UBAP1: variants seen among roughly 807,000 people sequenced by gnomAD.
UBAP1 encodes the protein ubiquitin-associated protein 1.
UBAP1 carries 5 observed loss-of-function variants against 39.0 expected under a neutral mutation model. The ratio of observed to expected loss-of-function variants is 0.13; its 90% CI spans 0.07 to 0.27. The LOEUF is 0.27. Ranked by LOEUF, UBAP1 falls within the 10% of genes least tolerant of loss-of-function variation. The pLI is 1.00. For missense variants in UBAP1, 490 were observed against 608.1 expected (o/e 0.81, Z 2.04); for synonymous variants, 211 against 225.1 (o/e 0.94, Z 0.56).
Position 34,224,107 on chromosome 9 carries a change from C to T in UBAP1, c.34+3159C>T, listed in dbSNP as rs899873073. 3 of 735,072 alleles carry T rather than the reference C, an allele frequency of 4.1e-6. No individual in the cohort carries two copies. The Admixed American group carries it at 9.1e-5, about 22-fold the overall frequency. 45.5% of individuals were successfully genotyped at this position (735,072 alleles called of 1,614,324 possible). The stretch of plus-strand genomic sequence containing the variant: ...AAGTGATGCACGCAAGAAGCTTGCC[C>T]TGCTGGAACTGCTCCTCCAGGAGAC... On this transcript the variant is annotated intron_variant, in intron 2 of 6. Coordinates refer to ENST00000297661, the MANE Select transcript of UBAP1 (RefSeq NM_016525.5).
intron 1 of UBAP1, among the ~76,000 whole-genome samples, chr9:34,210,898 T>C (rs1232516692): frequency 6.6e-6 from 1 of 152,072 alleles, no homozygotes; most frequent in African/African-American, 2.4e-5. Context: ...GAGCTCTTTC[T>C]GCATGTCAGG....
intron 2 of UBAP1, among the ~76,000 whole-genome samples, chr9:34,233,971 G>A (rs910704691): frequency 6.6e-6 from 1 of 152,158 alleles, no homozygotes; most frequent in Admixed American, 6.5e-5. Context: ...GAGGCTGTGG[G>A]TGATGTGAGT....
chr9:34,240,353 G>A (rs937151156), intron 3 of UBAP1, among the ~76,000 whole-genome samples: 4 of 152,128 alleles, frequency 2.6e-5, no homozygotes, highest in African/African-American at 4.8e-5. Context: ...GTGTTAGCAC[G>A]TTAGACCTCT....
At chr9:34,180,570 A>C (rs1173642789) in intron 1 of UBAP1, among the ~76,000 whole-genome samples, 1 of 152,086 alleles carries the variant, frequency 6.6e-6, no homozygotes, top group East Asian at 1.9e-4. Context: ...GTCTTAAAAG[A>C]ATTACATTGT....
In UBAP1 at chr9:34,200,801, C is replaced by A. The variant is rs189768775; in HGVS notation, c.-7-20107C>A. Among the ~76,000 whole-genome samples, 11 of 152,294 alleles carry A rather than the reference C, an allele frequency of 7.2e-5. No individual in the cohort carries two copies. In the East Asian group the frequency reaches 2.1e-3, roughly 29 times the overall value. ...CTGTTCTCCCGAATTTTGGGTTTAT[C>A]ATTTCCTTCCTTTTATAAACCACAT... On this transcript the variant is annotated intron_variant, in intron 1 of 6. Coordinates refer to ENST00000297661, the MANE Select transcript of UBAP1 (RefSeq NM_016525.5).
chr9:34,234,672 G>T (rs75023420), intron 3 of UBAP1, among the ~76,000 whole-genome samples: 1 of 151,974 alleles, frequency 6.6e-6, no homozygotes, highest in African/African-American at 2.4e-5. Flanking sequence ...ACATAGTGAC[G>T]TAGTAGCCAT....
At chr9:34,226,207 A>C (rs1833092726) in intron 2 of UBAP1, among the ~76,000 whole-genome samples, 1 of 146,460 alleles carries the variant, frequency 6.8e-6, no homozygotes, top group Non-Finnish European at 1.5e-5. Context: ...CAGCCTGGGC[A>C]ACATAGAAAA....
At chr9:34,245,954 C>T (rs1327812369) in intron 4 of UBAP1, among the ~76,000 whole-genome samples, 2 of 151,990 alleles carry the variant, frequency 1.3e-5, no homozygotes, top group African/African-American at 2.4e-5. Context: ...CCCAGGACTT[C>T]GAGATCAGCC....
Position 34,238,971 on chromosome 9 carries a change from GATAACA to G in UBAP1, c.160-2212_160-2207del, listed in dbSNP as rs562989315. On this transcript the variant is annotated intron_variant, in intron 3 of 6. Transcript: ENST00000297661. ...GCTCACTGTGCTCATAGCACCCACT[GATAACA>G]AAAGGAGATCAAAGCTAAGAGCTCC... Among the ~76,000 whole-genome samples the G allele has an allele frequency of 2.6e-5, 4 of 152,324 alleles. No individual in the cohort carries two copies. The East Asian group carries it at 5.8e-4, about 22-fold the overall frequency.
intron 1 of UBAP1, among the ~76,000 whole-genome samples, chr9:34,187,244 C>G (rs1213454094): frequency 6.6e-6 from 1 of 152,206 alleles, no homozygotes; most frequent in Admixed American, 6.6e-5. Context: ...GGAAATCCTT[C>G]TTTGCTGCCA....
intron 1 of UBAP1, among the ~76,000 whole-genome samples, chr9:34,188,600 G>A (rs1165503018): frequency 3.3e-5 from 5 of 151,738 alleles, no homozygotes; most frequent in Non-Finnish European, 7.4e-5. Context: ...GCCTTTTTCT[G>A]TTGTTTGTTA....
intron 1 of UBAP1, among the ~76,000 whole-genome samples, chr9:34,201,080 A>AT (rs1436850642): frequency 6.6e-6 from 1 of 151,870 alleles, no homozygotes; most frequent in Admixed American, 6.6e-5. Flanking sequence ...TGCCTGCCTA[A>AT]TTTTTTGTAG....
chr9:34,189,896 A>C (rs1830622049), intron 1 of UBAP1, among the ~76,000 whole-genome samples: 1 of 152,118 alleles, frequency 6.6e-6, no homozygotes, highest in Admixed American at 6.6e-5. Context: ...TCAGCCTCCC[A>C]AAGTGCTGGG....
chr9:34,238,746 G>T (rs1587875086), intron 3 of UBAP1, among the ~76,000 whole-genome samples: 1 of 151,950 alleles, frequency 6.6e-6, no homozygotes, highest in African/African-American at 2.4e-5. Context: ...TTTTTTATTG[G>T]CAATAACAAA....
At chr9:34,237,084 CTTCT>C (rs1255930806) in intron 3 of UBAP1, among the ~76,000 whole-genome samples, 3 of 152,190 alleles carry the variant, frequency 2.0e-5, no homozygotes, top group East Asian at 1.9e-4. Context: ...TCTTCGAGGG[CTTCT>C]TTCTCAGTCC....
chr9:34,206,527 AAAGT>A (rs1179793119), intron 1 of UBAP1, among the ~76,000 whole-genome samples: 1 of 148,470 alleles, frequency 6.7e-6, no homozygotes, highest in Non-Finnish European at 1.5e-5. Flanking sequence ...AGAAAAGAAA[AAAGT>A]AAGACTAAAA....
intron 1 of UBAP1, among the ~76,000 whole-genome samples, chr9:34,189,494 TTA>T (rs1263021402): frequency 1.3e-5 from 2 of 151,794 alleles, no homozygotes; most frequent in Admixed American, 6.6e-5. Flanking sequence ...CGGCCGATCA[TTA>T]TGTCTTATAG....
chr9:34,242,221 G>T, intron 4 of UBAP1, 113 bp downstream of exon 4: 1 of 1,156,648 alleles, frequency 8.6e-7, no homozygotes, highest in Non-Finnish European at 1.2e-6. Context: ...CTGTTGCCCA[G>T]GCTGGAATGC....
intron 1 of UBAP1, among the ~76,000 whole-genome samples, chr9:34,197,625 C>G (rs1170900014): frequency 6.6e-6 from 1 of 152,184 alleles, no homozygotes; most frequent in African/African-American, 2.4e-5. Context: ...TCTCAGCTCA[C>G]TGTAGCCTCT....
Sources: gnomAD v4.1 joint callset for allele counts (sites outside exome capture counted in the v4.1 genomes callset) on GRCh38, gnomAD v4.1.1 for gene constraint, MANE v1.5 for transcripts, NCBI Gene and HGNC (gene_info 2026-07-23, HGNC 2026-07-21) for gene names.